The following CNTN6 variants were observed in gnomAD, a reference collection of about 807,000 sequenced individuals.
CNTN6 encodes the protein contactin-6.
A neutral mutation model predicts 122.8 loss-of-function variants in CNTN6; 137 were observed. The ratio of observed to expected loss-of-function variants is 1.12; its 90% CI spans 0.97 to 1.29. CNTN6 has a LOEUF of 1.29. CNTN6 is among the 50% of genes most tolerant of loss of function. The pLI, the probability that CNTN6 is intolerant of heterozygous loss-of-function variation, is 0.00. For missense variants in CNTN6, 1,634 were observed against 1,223.4 expected (o/e 1.34, Z -5.01); for synonymous variants, 570 against 426.0 (o/e 1.34, Z -4.16).
At chr3:1,301,149 G>A (rs1441983239) in intron 7 of CNTN6, among the ~76,000 whole-genome samples, 1 of 145,904 alleles carries the variant, frequency 6.9e-6, no homozygotes, top group Non-Finnish European at 1.5e-5. Flanking sequence ...TGATTCTCCT[G>A]CCTCAGCCTC....
chr3:1,370,508 C>A (rs1033331537), intron 12 of CNTN6, among the ~76,000 whole-genome samples: 23 of 152,008 alleles, frequency 1.5e-4, no homozygotes, highest in African/African-American at 5.1e-4. Context: ...TGGGCATAGT[C>A]CACAAAATCA....
intron 4 of CNTN6, among the ~76,000 whole-genome samples, chr3:1,248,236 A>G (rs1277417788): frequency 6.6e-6 from 1 of 152,218 alleles, no homozygotes; most frequent in Non-Finnish European, 1.5e-5. Context: ...AAATTGATGT[A>G]AGTACATTTA....
chr3:1,187,340 A>G (rs1208235010), intron 2 of CNTN6, among the ~76,000 whole-genome samples: 1 of 152,088 alleles, frequency 6.6e-6, no homozygotes, highest in African/African-American at 2.4e-5. Flanking sequence ...ATGGAAGCCA[A>G]TGAGGATGAA....
At chr3:1,104,569 A>G (rs186409319) in intron 1 of CNTN6, among the ~76,000 whole-genome samples, 8 of 152,300 alleles carry the variant, frequency 5.3e-5, no homozygotes, top group African/African-American at 1.7e-4. Flanking sequence ...TTGGTAAATT[A>G]GTACGTATAT....
In CNTN6 at chr3:1,382,978, G is replaced by A. The variant is rs774808194; in HGVS notation, c.2203G>A (p.Gly735Arg). ...PEELQNGEGFGYIIMFRPVGS... is the reference protein window; with the variant it reads ...PEELQNGEGFRYIIMFRPVGS... Reference sequence around the variant, plus strand: ...AGAACTGCAGAATGGGGAGGGATTTGGATATATCATCATGTTCCGGCCAGT... The same window carrying A: ...AGAACTGCAGAATGGGGAGGGATTTAGATATATCATCATGTTCCGGCCAGT... Residue 735 changes from glycine (G) to arginine (R), a missense_variant, in exon 18 of 23, where the codon GGA becomes AGA. Transcript: ENST00000446702. 7 of 1,613,876 alleles carry A rather than the reference G, an allele frequency of 4.3e-6. No individual in the cohort carries two copies. The highest frequency in any genetic ancestry group is 5.9e-6 in the Non-Finnish European group (7 of 1,179,922).
At chr3:1,391,598 A>T (rs900554276) in intron 20 of CNTN6, among the ~76,000 whole-genome samples, 3 of 150,512 alleles carry the variant, frequency 2.0e-5, no homozygotes, top group Non-Finnish European at 2.9e-5. Flanking sequence ...TCAATTAGGA[A>T]AAGAGGAAGT....
intron 5 of CNTN6, among the ~76,000 whole-genome samples, chr3:1,290,577 A>G (rs1368546452): frequency 2.0e-5 from 3 of 152,242 alleles, no homozygotes; most frequent in African/African-American, 7.2e-5. Flanking sequence ...TGTACAAGAA[A>G]GAATTCAGGG....
intron 8 of CNTN6, 121 bp downstream of exon 8, chr3:1,321,955 C>T (rs1295716387): frequency 1.1e-5 from 9 of 826,534 alleles, no homozygotes; most frequent in East Asian, 2.8e-5. Context: ...GGCATATTTC[C>T]GGGTTTAGAT....
intron 11 of CNTN6, among the ~76,000 whole-genome samples, chr3:1,349,251 A>T (rs554937420): frequency 1.9e-4 from 29 of 152,048 alleles, no homozygotes; most frequent in Non-Finnish European, 3.7e-4. Context: ...TACATATAAT[A>T]TGTAATCATG....
At chr3:1,231,652 A>G (rs985064394) in intron 4 of CNTN6, among the ~76,000 whole-genome samples, 4 of 152,234 alleles carry the variant, frequency 2.6e-5, no homozygotes, top group Admixed American at 6.5e-5. Flanking sequence ...TCTTTAACCA[A>G]CTATGTAACT....
intron 4 of CNTN6, among the ~76,000 whole-genome samples, chr3:1,241,288 T>C (rs1032587150): frequency 2.1e-5 from 3 of 142,744 alleles, no homozygotes; most frequent in African/African-American, 7.9e-5. Context: ...AGTGTTGAAG[T>C]GTTGGGGTGG....
intron 1 of CNTN6, among the ~76,000 whole-genome samples, chr3:1,109,222 A>G (rs566558328): frequency 1.3e-5 from 2 of 152,096 alleles, no homozygotes; most frequent in Non-Finnish European, 2.9e-5. Context: ...GACTTGCCCG[A>G]GACTACAGAG....
intron 19 of CNTN6, 127 bp from the exon 20 acceptor site, chr3:1,385,484 G>A (rs1246463176): frequency 1.4e-5 from 9 of 621,674 alleles, no homozygotes; most frequent in Non-Finnish European, 2.4e-5. Context: ...ATTAGAAAAC[G>A]TTTTTGTCAT....
In CNTN6 at chr3:1,351,679, ACTCT is replaced by A. The variant is rs530688780; in HGVS notation, c.1365-640_1365-637del. On this transcript the variant is annotated intron_variant, in intron 11 of 22. Transcript: ENST00000446702. ...TTTGGCAGATGAACCTCCTTTTTGT[ACTCT>A]CTCTTTTAGGAATATTAATATTAAT... Among the ~76,000 whole-genome samples, 11 of 150,932 alleles carry A rather than the reference ACTCT, an allele frequency of 7.3e-5. No individual in the cohort carries two copies. In the South Asian group the frequency reaches 2.1e-3, roughly 29 times the overall value.
At chr3:1,102,616 T>C (rs1055037462) in intron 1 of CNTN6, among the ~76,000 whole-genome samples, 10 of 149,174 alleles carry the variant, frequency 6.7e-5, no homozygotes, top group Non-Finnish European at 1.2e-4. Context: ...TAGTCCCAGC[T>C]ACTCGGGAGG....
chr3:1,111,782 A>G (rs771308479), intron 1 of CNTN6, among the ~76,000 whole-genome samples: 2 of 152,174 alleles, frequency 1.3e-5, no homozygotes, highest in Admixed American at 6.6e-5. Context: ...GTGTGAAATC[A>G]GTGTAGAACA....
intron 1 of CNTN6, among the ~76,000 whole-genome samples, chr3:1,127,512 C>T (rs1265515660): frequency 6.6e-6 from 1 of 151,754 alleles, no homozygotes; most frequent in Non-Finnish European, 1.5e-5. Flanking sequence ...ATGTTGTATT[C>T]TTCTATAACA....
At chr3:1,108,879 A>T (rs2091348532) in intron 1 of CNTN6, among the ~76,000 whole-genome samples, 1 of 152,080 alleles carries the variant, frequency 6.6e-6, no homozygotes, top group Non-Finnish European at 1.5e-5. Flanking sequence ...TTAAGGACCT[A>T]CTGTTGATTT....
intron 7 of CNTN6, among the ~76,000 whole-genome samples, chr3:1,316,899 T>G (rs181225020): frequency 3.3e-5 from 5 of 152,090 alleles, no homozygotes; most frequent in African/African-American, 9.6e-5. Flanking sequence ...TGAAGCAGTT[T>G]ATTTAGTGTC....
Sources: allele counts gnomAD v4.1 joint callset (sites outside exome capture counted in the v4.1 genomes callset), GRCh38; gene constraint gnomAD v4.1.1; transcripts MANE v1.5; gene names NCBI Gene and HGNC (gene_info 2026-07-23, HGNC 2026-07-21).